SIGLEC1: variants seen among roughly 807,000 people sequenced by gnomAD.
SIGLEC1 encodes the protein sialic acid binding Ig like lectin 1.
SIGLEC1 carries 132 observed loss-of-function variants against 148.0 expected under a neutral mutation model. That is an observed-to-expected ratio of 0.89 (90% CI 0.77 to 1.03). The LOEUF (loss-of-function observed/expected upper bound fraction) is 1.03. SIGLEC1 is among the 50% of genes least tolerant of loss of function. The pLI is 0.00. For missense variants in SIGLEC1, 2,253 were observed against 2,271.4 expected (o/e 0.99, Z 0.16); for synonymous variants, 945 against 969.0 (o/e 0.98, Z 0.46).
At chr20:3,700,676 G>A (rs1477956450) in intron 7 of SIGLEC1, among the ~76,000 whole-genome samples, 2 of 145,576 alleles carry the variant, frequency 1.4e-5, no homozygotes, top group Non-Finnish European at 3.0e-5. Context: ...TTGGAAGACC[G>A]TACTTTTCTT....
chr20:3,689,218 A>T lies in SIGLEC1; in HGVS notation c.5007T>A (p.Arg1669=), dbSNP rs762903888. ...TCTCGCCCATGCTCTGCTTACAAAC[A>T]CGCCTCCTTCTGCAAGGCCCGGAGT... ...LGACYTWRRR[R]VCKQSMGENS... is the part of the protein sequence containing the mutation. Residue 1669 remains arginine, a synonymous_variant, in exon 21 of 22, where the codon CGT becomes CGA. Transcript: ENST00000344754. The T allele has an allele frequency of 6.2e-7, 1 of 1,614,040 alleles. No homozygotes were observed. The highest frequency in any genetic ancestry group is 1.1e-5 in the South Asian group (1 of 91,078).
chr20:3,688,575 G>A lies in SIGLEC1; in HGVS notation c.5115C>T (p.Ala1705=), dbSNP rs1297724395. ...DAATCETSTC[A]PPLG ...ACACCACTGGTCAGCCCAGGGGTGG[G>A]GCACAGGTTGAGGTCTCACATGTGG... The change falls in exon 22 of 22, where the codon GCC becomes GCT. Residue 1705 remains alanine (A), a synonymous_variant. Coordinates refer to ENST00000344754, the MANE Select transcript of SIGLEC1 (RefSeq NM_023068.4). 3 of 1,601,830 alleles carry A rather than the reference G, an allele frequency of 1.9e-6. No individual in the cohort carries two copies. Among genetic ancestry groups the A allele is most frequent in the East Asian group, 2.2e-5 (1 of 44,530 alleles).
rs142912205 is a variant in SIGLEC1 at position 3,701,596 on chromosome 20, G to T, written c.1274C>A (p.Ala425Glu). The change falls in exon 7 of 22, where the codon GCG becomes GAG. Residue 425 changes from alanine to glutamate, a missense_variant. Coordinates refer to ENST00000344754, the MANE Select transcript of SIGLEC1 (RefSeq NM_023068.4). ...PVLTAFLETQ[A>E]GLVGILHCSV... is the part of the protein sequence containing the mutation. ...GCAGTGAAGGATGCCCACAAGTCCCGCCTGGGTCTCCAGGAAGGCTGTCAG... is the reference window on the plus strand; with the variant it reads ...GCAGTGAAGGATGCCCACAAGTCCCTCCTGGGTCTCCAGGAAGGCTGTCAG... 1 of 1,591,174 alleles carries T rather than the reference G, an allele frequency of 6.3e-7. No individual in the cohort carries two copies. The highest frequency in any genetic ancestry group is 1.3e-5 in the African/African-American group (1 of 74,738).
Position 3,698,031 on chromosome 20 carries a change from G to C in SIGLEC1, c.1889C>G (p.Pro630Arg). ...GLLLCRVDSD[P>R]PARLQLLHKD... ...GTGGAGCAGCTGCAGCCTGGCGGGGGGGTCGCTGTCCACACGGCACAAAAG... is the reference window on the plus strand; with the variant it reads ...GTGGAGCAGCTGCAGCCTGGCGGGGCGGTCGCTGTCCACACGGCACAAAAG... Residue 630 changes from proline to arginine, a missense_variant, in exon 9 of 22, where the codon CCC becomes CGC. By Grantham distance (103) the Pro-to-Arg change is moderately radical. Transcript: ENST00000344754. The C allele has an allele frequency of 6.2e-7, 1 of 1,609,330 alleles. No individual in the cohort carries two copies. Among genetic ancestry groups the C allele is most frequent in the Non-Finnish European group, 8.5e-7 (1 of 1,178,302 alleles).
intron 1 of SIGLEC1, among the ~76,000 whole-genome samples, 100 bp downstream of exon 1, chr20:3,712,370 C>CCA (rs1555758093): frequency 6.6e-6 from 1 of 151,480 alleles, no homozygotes; most frequent in Non-Finnish European, 1.5e-5. Flanking sequence ...ATGGAGCCCC[C>CCA]CCCCGACCCC....
intron 19 of SIGLEC1, 78 bp from the exon 20 acceptor site, chr20:3,689,780 T>C (rs181461086): frequency 3.1e-5 from 42 of 1,351,758 alleles, no homozygotes; most frequent in Non-Finnish European, 4.3e-5. Context: ...CCACCCAAGA[T>C]GACACCTTCT....
rs148161998 is a variant in SIGLEC1 at position 3,697,267 on chromosome 20, C to A, written c.2198G>T (p.Arg733Leu). 2.2e-5 allele frequency: 36 copies of A among 1,613,880 alleles called. No homozygotes were observed. Among genetic ancestry groups the A allele is most frequent in the Middle Eastern group, 1.6e-4 (1 of 6,084 alleles). The change falls in exon 10 of 22, where the codon CGG becomes CTG. Residue 733 changes from arginine (R) to leucine (L), a missense_variant. Arg to Leu is a moderately radical substitution (Grantham distance 102, BLOSUM62 -2). Transcript: ENST00000344754. The stretch of plus-strand genomic sequence containing the variant: ...GTTAGCAGGGCTGCCAGCAGCTTCC[C>A]GGCTCACGTTGCAAGTCAAGTTGGC... The part of the protein sequence containing the change: ...TEANLTCNVS[R>L]EAAGSPANFS...
rs1223701699 is a variant in SIGLEC1 at position 3,687,228 on chromosome 20, G to A, written c.*1332C>T. On this transcript the variant is annotated 3_prime_UTR_variant, in exon 22 of 22. Transcript: ENST00000344754. The stretch of plus-strand genomic sequence containing the variant: ...CACCATCTCCACCAGGCTGCAGGGG[G>A]AGTCACTAGCCCACTCAAGAGCTCT... 1 of 152,256 alleles carries A rather than the reference G, an allele frequency of 6.6e-6. No individual in the cohort carries two copies. The highest frequency in any genetic ancestry group is 1.5e-5 in the Non-Finnish European group (1 of 68,068). 9.4% of individuals were successfully genotyped at this position (152,256 alleles called of 1,614,324 possible).
chr20:3,688,932 C>T (rs2146516181), intron 21 of SIGLEC1: 2 of 607,304 alleles, frequency 3.3e-6, no homozygotes, highest in East Asian at 5.5e-5. Flanking sequence ...CAGAAAGTCT[C>T]CCCTAGTCCT....
In SIGLEC1 at chr20:3,691,594, C is replaced by T. The variant is rs372577495; in HGVS notation, c.4337G>A (p.Arg1446His). 5 of 1,611,560 alleles carry T rather than the reference C, an allele frequency of 3.1e-6. No homozygotes were observed. Among genetic ancestry groups the T allele is most frequent in the Non-Finnish European group, 3.4e-6 (4 of 1,179,324 alleles). ...TIGRLQVEGARVVAEPGLDVP... is the reference protein window; with the variant it reads ...TIGRLQVEGAHVVAEPGLDVP... ...GTCCAGGCCAGGCTCTGCCACCACG[C>T]GTGCACCTGCGGGCGGAGGATAGAG... The change falls in exon 18 of 22, where the codon CGC becomes CAC. Residue 1446 changes from arginine to histidine, a missense_variant. Coordinates refer to ENST00000344754, the MANE Select transcript of SIGLEC1 (RefSeq NM_023068.4).
At chr20:3,695,546 C>A (rs1388429145) in intron 11 of SIGLEC1, among the ~76,000 whole-genome samples, 2 of 152,186 alleles carry the variant, frequency 1.3e-5, no homozygotes, top group East Asian at 3.9e-4. Context: ...GATGGAGGGA[C>A]AGCTGGAATG....
chr20:3,696,129 T>TATACACACACACACACAC (rs11087599), intron 11 of SIGLEC1, among the ~76,000 whole-genome samples: 5 of 142,426 alleles, frequency 3.5e-5, no homozygotes, highest in African/African-American at 1.4e-4. Flanking sequence ...ACTATATATA[T>TATACACACACACACACAC]ACACACACAC....
intron 10 of SIGLEC1, 74 bp from the exon 11 acceptor site, chr20:3,696,962 C>A: frequency 6.5e-7 from 1 of 1,530,946 alleles, no homozygotes; most frequent in Non-Finnish European, 8.8e-7. Context: ...TGTCCCCCAC[C>A]TCCTGCCACA....
At position 3,699,317 on chromosome 20, in the gene SIGLEC1, G is replaced by A. The variant is rs1198827685; in HGVS notation, c.1671C>T (p.Gly557=). ...AGGCCGCGGGGAGCAGGAGGCTGCT[G>A]CCGGGACCCTCGTGAAGCAGGGCTC... is the stretch of plus-strand genomic sequence containing the variant. ...LNGALLHEGP[G]SSLLLPAASS... Residue 557 remains glycine (G), a synonymous_variant, in exon 8 of 22, where the codon GGC becomes GGT. Transcript: ENST00000344754. The A allele has an allele frequency of 3.1e-6, 5 of 1,608,936 alleles. No homozygotes were observed. The highest frequency in any genetic ancestry group is 4.2e-6 in the Non-Finnish European group (5 of 1,178,512).
chr20:3,702,417 C>T (rs2087859280), intron 6 of SIGLEC1, among the ~76,000 whole-genome samples: 1 of 152,050 alleles, frequency 6.6e-6, no homozygotes, highest in East Asian at 1.9e-4. Context: ...GAAACCCTGT[C>T]TCTACAAAAA....
intron 3 of SIGLEC1, 25 bp from the exon 4 acceptor site, chr20:3,706,065 A>T: frequency 6.3e-7 from 1 of 1,597,978 alleles, no homozygotes; most frequent in Non-Finnish European, 8.5e-7. Context: ...AGCAGTGCTC[A>T]GGACCCGCTT....
chr20:3,706,327 C>A lies in SIGLEC1; in HGVS notation c.409+20G>T. 2 of 1,591,680 alleles carry A rather than the reference C, an allele frequency of 1.3e-6. No individual in the cohort carries two copies. The highest frequency in any genetic ancestry group is 1.1e-5 in the South Asian group (1 of 89,660). On this transcript the variant is annotated intron_variant, in intron 3 of 21. Transcript: ENST00000344754. ...TTGGGAATCCCTCCCGGGGGGCAGC[C>A]AGGCCACCCCACTTATCACCTGTTA...
chr20:3,689,696 T>C lies in SIGLEC1; in HGVS notation c.4901A>G (p.His1634Arg). The C allele has an allele frequency of 1.3e-6, 2 of 1,574,916 alleles. No homozygotes were observed. Among genetic ancestry groups the C allele is most frequent in the South Asian group, 2.3e-5 (2 of 86,052 alleles). Residue 1634 changes from histidine (H) to arginine (R), a missense_variant, in exon 20 of 22, where the codon CAC becomes CGC. Coordinates refer to ENST00000344754, the MANE Select transcript of SIGLEC1 (RefSeq NM_023068.4). Reference protein sequence around the residue: ...TSTYFGVRALHRLHQFQQLLW... With the variant: ...TSTYFGVRALRRLHQFQQLLW... The stretch of plus-strand genomic sequence containing the variant: ...CAGCTGCTGGAACTGATGCAGGCGG[T>C]GCAGGGCTGGAACACAGAGCGGGAC...
At chr20:3,700,122 T>G (rs1264826602) in intron 7 of SIGLEC1, among the ~76,000 whole-genome samples, 1 of 128,204 alleles carries the variant, frequency 7.8e-6, no homozygotes. Flanking sequence ...TTTTTTTTTT[T>G]TTTTTTTTTT....
Sources: gnomAD v4.1 joint callset for allele counts (sites outside exome capture counted in the v4.1 genomes callset) on GRCh38, gnomAD v4.1.1 for gene constraint, MANE v1.5 for transcripts, NCBI Gene and HGNC (gene_info 2026-07-23, HGNC 2026-07-21) for gene names.